TEX11: variants seen among roughly 807,000 people sequenced by gnomAD.
TEX11 encodes the protein testis expressed 11, also known as testis-expressed protein 11.
TEX11 carries 7 observed loss-of-function variants against 84.4 expected under a neutral mutation model. The observed-to-expected ratio is 0.08, with a 90% CI of 0.05 to 0.16. The LOEUF is 0.16. TEX11 is among the 10% of genes least tolerant of loss of function. The probability of loss-of-function intolerance (pLI) is 1.00; values close to 1 mark genes in which losing one functional copy is unlikely to be tolerated. For missense variants in TEX11, 551 were observed against 660.5 expected (o/e 0.83, Z 1.82); for synonymous variants, 264 against 222.8 (o/e 1.18, Z -1.64).
chrX:70,620,494 T>C (rs2089371734), intron 20 of TEX11, among the ~76,000 whole-genome samples: 1 of 111,800 alleles, frequency 8.9e-6, no homozygotes, highest in South Asian at 3.8e-4. Context: ...CTCTTATTCA[T>C]TGCTGGCAGG....
intron 25 of TEX11, among the ~76,000 whole-genome samples, chrX:70,569,452 G>T (rs960765343): frequency 1.8e-5 from 2 of 112,037 alleles, no homozygotes; most frequent in African/African-American, 6.5e-5. Flanking sequence ...CTGGTAAGGA[G>T]CTGCGTTCCT....
Position 70,529,063 on chromosome X carries a change from A to G in TEX11, c.*32T>C. ...ATTTAAACAGTCAGCATCTCGGGACAATGTATCTTCTTCATGTGGCCATGA... is the reference window on the plus strand; with the variant it reads ...ATTTAAACAGTCAGCATCTCGGGACGATGTATCTTCTTCATGTGGCCATGA... On this transcript the variant is annotated 3_prime_UTR_variant, in exon 30 of 30. Coordinates refer to ENST00000374333, the MANE Select transcript of TEX11 (RefSeq NM_031276.3). 1 of 1,119,406 alleles carries G rather than the reference A, an allele frequency of 8.9e-7. No individual in the cohort carries two copies. The highest frequency in any genetic ancestry group is 1.2e-6 in the Non-Finnish European group (1 of 815,141). 92.3% of individuals were successfully genotyped at this position (1,119,406 alleles called of 1,213,427 possible).
At chrX:70,760,858 C>T (rs565007795) in intron 9 of TEX11, among the ~76,000 whole-genome samples, 2 of 111,861 alleles carry the variant, frequency 1.8e-5, no homozygotes, top group African/African-American at 6.5e-5. Context: ...GCAATCTACC[C>T]ATCTGACAAA....
intron 9 of TEX11, among the ~76,000 whole-genome samples, chrX:70,798,064 T>TA (rs1279368189): frequency 1.9e-5 from 2 of 105,492 alleles, no homozygotes; most frequent in Admixed American, 2.1e-4. Context: ...AAGGAAGAAG[T>TA]AAAATTGTTT....
intron 9 of TEX11, among the ~76,000 whole-genome samples, chrX:70,754,321 C>T (rs746952057): frequency 5.4e-5 from 6 of 111,364 alleles, no homozygotes; most frequent in Admixed American, 9.5e-5. Context: ...CTCCTTGTGG[C>T]CTGGGATGGC....
At chrX:70,852,814 G>C (rs746248400) in intron 7 of TEX11, among the ~76,000 whole-genome samples, 10 of 111,428 alleles carry the variant, frequency 9.0e-5, no homozygotes, top group Admixed American at 4.8e-4. Flanking sequence ...TGAAAATGAT[G>C]TTTAGCTGTA....
intron 11 of TEX11, among the ~76,000 whole-genome samples, chrX:70,725,781 T>C (rs1484395609): frequency 8.9e-6 from 1 of 112,079 alleles, no homozygotes; most frequent in Non-Finnish European, 1.9e-5. Flanking sequence ...AATAACAACG[T>C]TATTTCTAAA....
chrX:70,666,237 T>G (rs1298739235), intron 16 of TEX11, among the ~76,000 whole-genome samples: 1 of 111,552 alleles, frequency 9.0e-6, no homozygotes, highest in Non-Finnish European at 1.9e-5. Context: ...GGAAATTTCC[T>G]CAGGAAGCTA....
rs765912376 is a variant in TEX11, at chrX:70,590,746, G to A, written c.2140+1005C>T. 7.2e-5 allele frequency among the ~76,000 whole-genome samples: 8 copies of A among 111,544 alleles called. No individual in the cohort carries two copies. In the South Asian group the frequency reaches 3.0e-3, roughly 42 times the overall value. On this transcript the variant is annotated intron_variant, in intron 25 of 29. Transcript: ENST00000374333. The stretch of plus-strand genomic sequence containing the variant: ...TTTATTTATTTATTTGTGTATTTAT[G>A]TATTTATTTATTTATTTTGAGACAG...
intron 9 of TEX11, among the ~76,000 whole-genome samples, chrX:70,801,572 C>T (rs987662337): frequency 9.0e-6 from 1 of 111,250 alleles, no homozygotes; most frequent in Non-Finnish European, 1.9e-5. Flanking sequence ...TCCATGAATG[C>T]TCTCTTTTTC....
At chrX:70,849,777 T>C (rs1266192815) in intron 7 of TEX11, among the ~76,000 whole-genome samples, 1 of 112,218 alleles carries the variant, frequency 8.9e-6, no homozygotes, top group Non-Finnish European at 1.9e-5. Flanking sequence ...TCAAGAATTA[T>C]ATAGTTCTCA....
At chrX:70,539,038 A>ATATATATATATATATT in intron 28 of TEX11, among the ~76,000 whole-genome samples, 5 of 41,243 alleles carry the variant, frequency 1.2e-4, no homozygotes, top group African/African-American at 9.2e-5. Context: ...ATATATATAT[A>ATATATATATATATATT]TTTTTTTTTT....
chrX:70,749,136 C>A (rs1425607138), intron 9 of TEX11, among the ~76,000 whole-genome samples: 1 of 107,294 alleles, frequency 9.3e-6, no homozygotes, highest in African/African-American at 3.5e-5. Context: ...AGGTCCTTCA[C>A]ATCCCTTGTA....
At chrX:70,905,029 G>A (rs946970989) in intron 2 of TEX11, among the ~76,000 whole-genome samples, 1 of 112,185 alleles carries the variant, frequency 8.9e-6, no homozygotes, top group African/African-American at 3.2e-5. Flanking sequence ...AAGGCCGGGT[G>A]CAGTGGCTCA....
intron 13 of TEX11, among the ~76,000 whole-genome samples, chrX:70,701,861 C>A (rs1459260335): frequency 9.0e-6 from 1 of 111,381 alleles, no homozygotes; most frequent in East Asian, 2.8e-4. Flanking sequence ...GAAGTAACTG[C>A]AGATGTGGCG....
At chrX:70,747,574 A>T (rs2090776884) in intron 9 of TEX11, among the ~76,000 whole-genome samples, 1 of 112,027 alleles carries the variant, frequency 8.9e-6, no homozygotes, top group African/African-American at 3.2e-5. Flanking sequence ...GAAAAAAAGC[A>T]AAAGAAACTT....
rs750971335 is a variant in TEX11 at position 70,873,101 on chromosome X, T to C, written c.244+122A>G. ...AGAAACCATTGTTCCTGGGTTGTTT[T>C]GTTTGTCTTTTAACAAATCTCTATC... On this transcript the variant is annotated intron_variant, in intron 4 of 29. Transcript: ENST00000374333. 32 of 431,753 alleles carry C rather than the reference T, an allele frequency of 7.4e-5. No homozygotes were observed. The African/African-American group carries it at 7.5e-4, about 10-fold the overall frequency. 35.6% of individuals were successfully genotyped at this position (431,753 alleles called of 1,213,427 possible).
At chrX:70,584,002 G>A (rs184647155) in intron 25 of TEX11, among the ~76,000 whole-genome samples, 72 of 111,756 alleles carry the variant, frequency 6.4e-4, no homozygotes, top group Middle Eastern at 4.6e-3. Flanking sequence ...ATTCCTGGCC[G>A]GGCGCGGTGG....
At chrX:70,733,782 G>A (rs2090673805) in intron 11 of TEX11, among the ~76,000 whole-genome samples, 1 of 111,596 alleles carries the variant, frequency 9.0e-6, no homozygotes, top group African/African-American at 3.3e-5. Flanking sequence ...AATACCATTT[G>A]ACCCAGCCAT....
Sources: allele counts gnomAD v4.1 joint callset (sites outside exome capture counted in the v4.1 genomes callset), GRCh38; gene constraint gnomAD v4.1.1; transcripts MANE v1.5; gene names NCBI Gene and HGNC (gene_info 2026-07-23, HGNC 2026-07-21).